ADAMTSL1: variants seen among roughly 807,000 people sequenced by gnomAD.
ADAMTSL1 encodes ADAMTS like 1, also known as ADAMTS-like protein 1.
A neutral mutation model predicts 201.8 loss-of-function variants in ADAMTSL1; 126 were observed. The observed-to-expected ratio is 0.62, with a 90% CI of 0.54 to 0.72. The LOEUF (loss-of-function observed/expected upper bound fraction) is 0.72, where lower values mean the gene tolerates loss of function less well. ADAMTSL1 is among the 30% of genes least tolerant of loss of function. ADAMTSL1 has a pLI of 0.00. For missense variants in ADAMTSL1, 2,679 were observed against 2,277.8 expected (o/e 1.18, Z -3.59); for synonymous variants, 1,121 against 903.4 (o/e 1.24, Z -4.32).
chr9:18,023,697 T>C (rs1392392534), intron 1 of ADAMTSL1, among the ~76,000 whole-genome samples: 3 of 152,172 alleles, frequency 2.0e-5, no homozygotes, highest in African/African-American at 4.8e-5. Flanking sequence ...CTATACATAA[T>C]ATTTCAGGTT....
At chr9:18,683,685 A>G (rs1296352065) in intron 12 of ADAMTSL1, among the ~76,000 whole-genome samples, 1 of 152,214 alleles carries the variant, frequency 6.6e-6, no homozygotes, top group Non-Finnish European at 1.5e-5. Flanking sequence ...TGCTGTGCAT[A>G]GAGAACAAGA....
rs187794930 is a variant in ADAMTSL1, at chr9:18,519,710, T to C, written c.192-13537T>C. On this transcript the variant is annotated intron_variant, in intron 2 of 28. Transcript: ENST00000380548. ...AATGAATGTGTTAAGTGACTGCAAA[T>C]TGGAAAACATTATACAAAAAGCGTG... Among the ~76,000 whole-genome samples the C allele has an allele frequency of 3.3e-5, 5 of 152,328 alleles. No homozygotes were observed. The East Asian group carries it at 7.7e-4, about 24-fold the overall frequency.
intron 6 of ADAMTSL1, among the ~76,000 whole-genome samples, chr9:18,637,039 T>G (rs373411676): frequency 4.2e-4 from 64 of 152,202 alleles, no homozygotes; most frequent in African/African-American, 1.5e-3. Flanking sequence ...AAAGTCAAGA[T>G]AGCCTACAGT....
chr9:18,040,598 G>GCTATAGTGAAT (rs1821390342), intron 1 of ADAMTSL1, among the ~76,000 whole-genome samples: 1 of 152,156 alleles, frequency 6.6e-6, no homozygotes, highest in African/African-American at 2.4e-5. Context: ...GAATATTACT[G>GCTATAGTGAAT]CTATAGTGAA....
intron 1 of ADAMTSL1, among the ~76,000 whole-genome samples, chr9:18,126,509 CCTTA>C (rs1825734248): frequency 1.3e-5 from 2 of 152,204 alleles, no homozygotes. Flanking sequence ...TTGTCTACCT[CCTTA>C]CTTATTGTTG....
At position 18,574,146 on chromosome 9, in the gene ADAMTSL1, A is replaced by G. The variant is rs771181585; in HGVS notation, c.354A>G (p.Pro118=). The G allele has an allele frequency of 1.4e-4, 221 of 1,613,992 alleles. No homozygotes were observed. The highest frequency in any genetic ancestry group is 6.6e-5 in the South Asian group (6 of 91,080). The change falls in exon 4 of 29, where the codon CCA becomes CCG. Residue 118 remains proline (P), a synonymous_variant. Coordinates refer to ENST00000380548, the MANE Select transcript of ADAMTSL1 (RefSeq NM_001040272.6). ...CTGTGTCTAATGACCCTGACAACCC[A>G]TGTTCACTCAAGTGCCAAGCCAAAG... The part of the protein sequence containing the change: ...WLPVSNDPDN[P]CSLKCQAKGT...
At chr9:17,986,736 C>G (rs578080313) in intron 1 of ADAMTSL1, among the ~76,000 whole-genome samples, 1 of 152,066 alleles carries the variant, frequency 6.6e-6, no homozygotes, top group Non-Finnish European at 1.5e-5. Context: ...AGCACAATAA[C>G]TTATTTTAAA....
At position 18,737,729 on chromosome 9, in the gene ADAMTSL1, T is replaced by C. The variant is rs77198360; in HGVS notation, c.2007-15569T>C. ...TTCAGTTAAATTCTCCCATTTTATC[T>C]GTGAGAAAAGAGAGGCAAATGTATT... On this transcript the variant is annotated intron_variant, in intron 15 of 28. Transcript: ENST00000380548. 9.2e-5 allele frequency among the ~76,000 whole-genome samples: 14 copies of C among 152,364 alleles called. No homozygotes were observed. The East Asian group carries it at 1.7e-3, about 19-fold the overall frequency.
chr9:18,053,620 T>C (rs540770975), intron 1 of ADAMTSL1, among the ~76,000 whole-genome samples: 1 of 152,314 alleles, frequency 6.6e-6, no homozygotes, highest in South Asian at 2.1e-4. Context: ...CCCAAGTCTT[T>C]CTGTTAATAA....
At chr9:18,191,200 C>G (rs773466364) in intron 2 of ADAMTSL1, among the ~76,000 whole-genome samples, 1 of 152,196 alleles carries the variant, frequency 6.6e-6, no homozygotes, top group South Asian at 2.1e-4. Context: ...CATCTGGTCC[C>G]GGGGATAGGG....
Position 18,886,709 on chromosome 9 carries a change from T to G in ADAMTSL1, c.4250-1122T>G, listed in dbSNP as rs115623851. ...TCTTTTATGGGGACACTAATCTCAT[T>G]CGTGAGGACAGAGCCCATGTGACAG... On this transcript the variant is annotated intron_variant, in intron 23 of 28. Coordinates refer to ENST00000380548, the MANE Select transcript of ADAMTSL1 (RefSeq NM_001040272.6). 8.0e-3 allele frequency among the ~76,000 whole-genome samples: 1,212 copies of G among 152,208 alleles called. 24 individuals are homozygous for G. The highest frequency in any genetic ancestry group is 0.028 in the African/African-American group (1,148 of 41,518).
chr9:18,754,409 A>G (rs1486974623), intron 16 of ADAMTSL1, among the ~76,000 whole-genome samples: 3 of 152,222 alleles, frequency 2.0e-5, no homozygotes, highest in African/African-American at 4.8e-5. Context: ...CCCTATTAGG[A>G]CATAAGACAC....
At chr9:18,880,441 T>C (rs1052250088) in intron 23 of ADAMTSL1, among the ~76,000 whole-genome samples, 2 of 152,268 alleles carry the variant, frequency 1.3e-5, no homozygotes, top group African/African-American at 4.8e-5. Flanking sequence ...GATGTTATGT[T>C]CGCAGAAATG....
chr9:18,411,194 A>G (rs1301792279), intron 2 of ADAMTSL1, among the ~76,000 whole-genome samples: 3 of 137,748 alleles, frequency 2.2e-5, no homozygotes, highest in Non-Finnish European at 4.6e-5. Flanking sequence ...TTATTTATTT[A>G]TTTTTATTTA....
chr9:18,240,975 C>T (rs188450382), intron 2 of ADAMTSL1, among the ~76,000 whole-genome samples: 2 of 152,200 alleles, frequency 1.3e-5, no homozygotes, highest in African/African-American at 4.8e-5. Flanking sequence ...GGGCCTTGCT[C>T]TGGATTAGGC....
At chr9:18,157,978 A>G (rs1827228652) in intron 1 of ADAMTSL1, among the ~76,000 whole-genome samples, 1 of 152,006 alleles carries the variant, frequency 6.6e-6, no homozygotes, top group Non-Finnish European at 1.5e-5. Flanking sequence ...TGTCTGTCTA[A>G]AAACGTTTAG....
intron 7 of ADAMTSL1, 21 bp from the exon 8 acceptor site, chr9:18,657,618 C>A (rs1249600405): frequency 6.3e-7 from 1 of 1,587,552 alleles, no homozygotes; most frequent in South Asian, 1.1e-5. Flanking sequence ...ATTACTTCTA[C>A]TTTCCTGTTG....
intron 9 of ADAMTSL1, among the ~76,000 whole-genome samples, chr9:18,664,121 G>A (rs1434008664): frequency 6.6e-6 from 1 of 152,030 alleles, no homozygotes; most frequent in African/African-American, 2.4e-5. Context: ...ATTAGACAAA[G>A]CTGAGAAAAT....
At chr9:18,876,273 A>G (rs1291783610) in intron 23 of ADAMTSL1, among the ~76,000 whole-genome samples, 1 of 143,486 alleles carries the variant, frequency 7.0e-6, no homozygotes, top group Non-Finnish European at 1.5e-5. Flanking sequence ...GTACTATTCT[A>G]TTTATTGTGC....
Sources: gnomAD v4.1 joint callset for allele counts (sites outside exome capture counted in the v4.1 genomes callset) on GRCh38, gnomAD v4.1.1 for gene constraint, MANE v1.5 for transcripts, NCBI Gene and HGNC (gene_info 2026-07-23, HGNC 2026-07-21) for gene names.